The following MYO5C variants were observed in gnomAD, a reference collection of about 807,000 sequenced individuals.
MYO5C encodes the protein myosin VC.
MYO5C carries 194 observed loss-of-function variants against 235.7 expected under a neutral mutation model. The ratio of observed to expected loss-of-function variants is 0.82; its 90% CI spans 0.73 to 0.93. MYO5C has a LOEUF of 0.93. MYO5C is among the 40% of genes least tolerant of loss of function. MYO5C has a pLI of 0.00. For synonymous variants in MYO5C, 707 were observed against 754.8 expected, an observed-to-expected ratio of 0.94 and a Z score of 1.04; for missense variants, 2,038 against 2,127.2, an observed-to-expected ratio of 0.96 and a Z score of 0.82.
intron 16 of MYO5C, 83 bp from the exon 17 acceptor site, chr15:52,246,125 A>T (rs1355729321): frequency 9.3e-7 from 1 of 1,070,542 alleles, no homozygotes; most frequent in East Asian, 2.5e-5. Flanking sequence ...ACCTGGCTAG[A>T]CTGTGACCCT....
intron 25 of MYO5C, 95 bp downstream of exon 25, chr15:52,229,026 CCTGTGGCCTTTA>C: frequency 7.7e-7 from 1 of 1,305,114 alleles, no homozygotes. Flanking sequence ...GCTCCAGTTG[CCTGTGGCCTTTA>C]CACAGATGCT....
At chr15:52,256,593 G>T in intron 11 of MYO5C, 46 bp downstream of exon 11, 1 of 1,275,596 alleles carries the variant, frequency 7.8e-7, no homozygotes, top group Non-Finnish European at 1.1e-6. Flanking sequence ...ACACACGCGC[G>T]CGCGCGCGGC....
At chr15:52,213,078 C>A (rs2035481512) in intron 34 of MYO5C, 110 bp downstream of exon 34, 1 of 727,224 alleles carries the variant, frequency 1.4e-6, no homozygotes, top group South Asian at 1.6e-5. Context: ...GGGGAAGAAG[C>A]AGTGGAAGAA....
chr15:52,195,340 G>T (rs185471695), intron 40 of MYO5C, 37 bp downstream of exon 40: 2 of 1,350,390 alleles, frequency 1.5e-6, no homozygotes, highest in South Asian at 1.2e-5. Context: ...CCATAGTTAG[G>T]AAGTAAAATT....
At chr15:52,256,795 C>T in intron 10 of MYO5C, 75 bp from the exon 11 acceptor site, 1 of 1,163,872 alleles carries the variant, frequency 8.6e-7, no homozygotes, top group South Asian at 1.3e-5. Flanking sequence ...TATTTTTTGA[C>T]ACTTAAAAGC....
At chr15:52,205,263 T>A in intron 37 of MYO5C, 116 bp from the exon 38 acceptor site, 1 of 1,155,734 alleles carries the variant, frequency 8.7e-7, no homozygotes, top group Non-Finnish European at 1.2e-6. Flanking sequence ...TCAGTGGATG[T>A]ACTTATGATA....
chr15:52,295,504 G>T, intron 1 of MYO5C, 106 bp downstream of exon 1: 1 of 1,318,542 alleles, frequency 7.6e-7, no homozygotes, highest in Non-Finnish European at 1.0e-6. Context: ...GCCCTGCCGT[G>T]TCAGGTGCGC....
chr15:52,216,374 A>G (rs1291672629), intron 32 of MYO5C, among the ~76,000 whole-genome samples: 4 of 151,868 alleles, frequency 2.6e-5, no homozygotes, highest in Admixed American at 2.6e-4. Context: ...ACCACTATAT[A>G]TATATTTTTA....
At chr15:52,293,278 T>G (rs61036537) in intron 1 of MYO5C, among the ~76,000 whole-genome samples, 4,399 of 152,162 alleles carry the variant, frequency 0.029, 224 homozygotes, top group African/African-American at 0.098. Flanking sequence ...GCCCTTCTGC[T>G]TCCTCTCACT....
chr15:52,239,460 A>G (rs762784240), intron 21 of MYO5C, among the ~76,000 whole-genome samples: 2 of 152,200 alleles, frequency 1.3e-5, no homozygotes, highest in East Asian at 1.9e-4. Flanking sequence ...ACAACTTCAC[A>G]CAGGAACACC....
rs1302527090 is a variant in MYO5C at position 52,295,660 on chromosome 15, C to A, written c.-24G>T. The A allele has an allele frequency of 7.0e-7, 1 of 1,418,484 alleles. No individual in the cohort carries two copies. The allele number at this position is 1,418,484 out of a possible 1,614,324, so 87.9% of individuals were successfully genotyped here. A position where few individuals can be genotyped will look rare whatever the true frequency, so the allele number is the denominator to read the frequency against. ...ATGGGCAGGAGGGGCCGGGGCCAGG[C>A]CGGGGCTGCCGAACGTGCGAGGCTC... On this transcript the variant is annotated 5_prime_UTR_variant, in exon 1 of 41. Transcript: ENST00000261839.
intron 7 of MYO5C, 34 bp from the exon 8 acceptor site, chr15:52,269,894 AAC>A: frequency 6.8e-7 from 1 of 1,461,426 alleles, no homozygotes; most frequent in African/African-American, 1.4e-5. Context: ...TTATGTCTGT[AAC>A]ACAGAAATTT....
At chr15:52,277,680 A>C (rs1449867615) in intron 4 of MYO5C, among the ~76,000 whole-genome samples, 9 of 152,072 alleles carry the variant, frequency 5.9e-5, no homozygotes, top group Non-Finnish European at 1.2e-4. Context: ...TGTTACCTAG[A>C]ATATGGAAGA....
rs963650149 is a variant in MYO5C at position 52,261,009 on chromosome 15, A to T, written c.1166T>A (p.Met389Lys). The change falls in exon 10 of 41, where the codon ATG (methionine) becomes AAG (lysine). Residue 389 changes from methionine (M) to lysine (K), a missense_variant. By Grantham distance (95) the Met-to-Lys change is moderately conservative. Coordinates refer to ENST00000261839, the MANE Select transcript of MYO5C (RefSeq NM_018728.4). ...VTSSETVVKPMTRPQAVNARD... is the reference protein window; with the variant it reads ...VTSSETVVKPKTRPQAVNARD... ...GGCGTTGACAGCCTGAGGCCTGGTC[A>T]TGGGTTTTACCACCGTCTCAGAGCT... The T allele has an allele frequency of 3.1e-6, 5 of 1,614,238 alleles. No individual in the cohort carries two copies. Among genetic ancestry groups the T allele is most frequent in the Non-Finnish European group, 3.4e-6 (4 of 1,180,038 alleles).
At chr15:52,211,912 A>G (rs535002282) in intron 34 of MYO5C, 28 bp from the exon 35 acceptor site, 1 of 1,607,050 alleles carries the variant, frequency 6.2e-7, no homozygotes, top group Admixed American at 1.7e-5. Context: ...AATGAGGATT[A>G]CAGCTGACAG....
intron 8 of MYO5C, among the ~76,000 whole-genome samples, chr15:52,268,718 C>G (rs969419363): frequency 1.3e-5 from 2 of 152,120 alleles, no homozygotes; most frequent in African/African-American, 4.8e-5. Flanking sequence ...AACATGAGCT[C>G]TGTGTGGGAA....
rs2034981448 is a variant in MYO5C, at chr15:52,193,539, G to C, written c.*363C>G. 1 of 176,636 alleles carries C rather than the reference G, an allele frequency of 5.7e-6. No individual in the cohort carries two copies. The highest frequency in any genetic ancestry group is 2.4e-5 in the African/African-American group (1 of 41,694). 10.9% of individuals were successfully genotyped at this position (176,636 alleles called of 1,614,324 possible). A position where few individuals can be genotyped will look rare whatever the true frequency, so the allele number is the denominator to read the frequency against. The stretch of plus-strand genomic sequence containing the variant: ...GTACTCAGGTTTCACATGAACCTTA[G>C]AAAACTTGGAAGCCACTGTGTCCCC... On this transcript the variant is annotated 3_prime_UTR_variant, in exon 41 of 41. Transcript: ENST00000261839.
At chr15:52,270,459 A>G (rs574955829) in intron 7 of MYO5C, among the ~76,000 whole-genome samples, 1 of 152,152 alleles carries the variant, frequency 6.6e-6, no homozygotes, top group South Asian at 2.1e-4. Context: ...AGCTTTACTG[A>G]GCTTTACTGA....
intron 13 of MYO5C, 71 bp from the exon 14 acceptor site, chr15:52,248,854 T>C: frequency 9.5e-7 from 1 of 1,054,942 alleles, no homozygotes; most frequent in Non-Finnish European, 1.4e-6. Context: ...AAGTTTCATC[T>C]CTTTTTTAAG....
Sources: allele counts gnomAD v4.1 joint callset (sites outside exome capture counted in the v4.1 genomes callset), GRCh38; gene constraint gnomAD v4.1.1; transcripts MANE v1.5; gene names NCBI Gene and HGNC (gene_info 2026-07-23, HGNC 2026-07-21).